Variants in CD99 observed in about 807,000 individuals in gnomAD.
CD99 encodes CD99 molecule (Xg blood group), also known as CD99 antigen.
A neutral mutation model predicts 28.4 loss-of-function variants in CD99; 19 were observed. The ratio of observed to expected loss-of-function variants is 0.67; its 90% CI spans 0.47 to 0.98. The LOEUF (loss-of-function observed/expected upper bound fraction) is 0.98. Ranked by LOEUF, CD99 falls within the 50% of genes least tolerant of loss-of-function variation. The pLI is 0.00. For synonymous variants in CD99, 103 were observed against 92.1 expected, an observed-to-expected ratio of 1.12 and a Z score of -0.67; for missense variants, 283 against 248.8, an observed-to-expected ratio of 1.14 and a Z score of -0.92.
intron 1 of CD99, among the ~76,000 whole-genome samples, chrX:2,709,159 C>T (rs1286985376): frequency 1.9e-5 from 2 of 107,662 alleles, no homozygotes; most frequent in Non-Finnish European, 5.0e-5. Flanking sequence ...CATGGACACA[C>T]ACCAGACAGA....
At chrX:2,708,566 C>T (rs769048010) in intron 1 of CD99, among the ~76,000 whole-genome samples, 4 of 152,218 alleles carry the variant, frequency 2.6e-5, no homozygotes, top group African/African-American at 9.6e-5. Context: ...CCTGGAGTGA[C>T]ATTGAAATTG....
Position 2,727,257 on chromosome X carries a change from A to G in CD99, c.475+884A>G, listed in dbSNP as rs373774024. On this transcript the variant is annotated intron_variant, in intron 8 of 9. Transcript: ENST00000381192. Reference sequence around the variant, plus strand: ...CGGGACTAAAATTTACAGGGGAATTAGGAGGAGGACGTACTCACCATTGCA... The same window carrying G: ...CGGGACTAAAATTTACAGGGGAATTGGGAGGAGGACGTACTCACCATTGCA... The G allele has an allele frequency of 4.4e-3, 3,409 of 774,998 alleles. 88 individuals are homozygous for G. The South Asian group carries it at 0.045, about 10-fold the overall frequency. The allele number at this position is 774,998 out of a possible 1,614,324, so 48.0% of individuals were successfully genotyped here.
Position 2,717,602 on chromosome X carries a change from T to C in CD99, c.101-3T>C, listed in dbSNP as rs2048791703. The C allele has an allele frequency of 6.2e-7, 1 of 1,612,882 alleles. No homozygotes were observed. The highest frequency in any genetic ancestry group is 8.5e-7 in the Non-Finnish European group (1 of 1,178,864). On this transcript the variant is annotated splice_polypyrimidine_tract_variant and splice_region_variant and intron_variant, in intron 2 of 9. Transcript: ENST00000381192. ...TACTAACTGAAATATCTTATCTCTT[T>C]AGACAATGAAAACAAGAAACCCACT...
At chrX:2,708,372 T>A (rs1368387591) in intron 1 of CD99, among the ~76,000 whole-genome samples, 1 of 152,032 alleles carries the variant, frequency 6.6e-6, no homozygotes, top group Non-Finnish European at 1.5e-5. Flanking sequence ...GGAGCTGTCT[T>A]AAGTGTTAGT....
intron 7 of CD99, among the ~76,000 whole-genome samples, chrX:2,723,956 A>G (rs1178473676): frequency 6.6e-6 from 1 of 152,010 alleles, no homozygotes; most frequent in Non-Finnish European, 1.5e-5. Context: ...GGAGGAAGAA[A>G]AAAGGGAAGG....
rs186327443 is a variant in CD99 at position 2,733,478 on chromosome X, C to T, written c.476-4722C>T. 5.8e-4 allele frequency: 726 copies of T among 1,254,200 alleles called. 5 individuals are homozygous for T. The East Asian group carries it at 0.014, about 24-fold the overall frequency. The allele number at this position is 1,254,200 out of a possible 1,614,324, so 77.7% of individuals were successfully genotyped here. On this transcript the variant is annotated intron_variant, in intron 8 of 9. Transcript: ENST00000381192. ...AAACCCTTCCATCTGCCGCTCCCCT[C>T]GCCCTGCTGGCAAATTCCCACCACG...
rs1339025449 is a variant in CD99 at position 2,733,773 on chromosome X, A to G, written c.476-4427A>G. ...GCCACCCTCTTCCCTGCAGTGTCCT[A>G]GGTTAAGCTCACTCACGTCCTAAGG... On this transcript the variant is annotated intron_variant, in intron 8 of 9. Transcript: ENST00000381192. The G allele has an allele frequency of 1.2e-5, 3 of 243,936 alleles. No individual in the cohort carries two copies. The Admixed American group carries it at 1.5e-4, about 12-fold the overall frequency. 15.1% of individuals were successfully genotyped at this position (243,936 alleles called of 1,614,324 possible). A position where few individuals can be genotyped will look rare whatever the true frequency, so the allele number is the denominator to read the frequency against.
chrX:2,694,188 A>T (rs2047464162), intron 1 of CD99, among the ~76,000 whole-genome samples: 1 of 149,600 alleles, frequency 6.7e-6, no homozygotes, highest in Non-Finnish European at 1.5e-5. Context: ...GGTTTGAAAA[A>T]CTCCAAACAT....
chrX:2,703,138 C>G (rs2047945225), intron 1 of CD99, among the ~76,000 whole-genome samples: 1 of 152,146 alleles, frequency 6.6e-6, no homozygotes, highest in African/African-American at 2.4e-5. Flanking sequence ...TTCAACAAAG[C>G]CAGACCCTGC....
chrX:2,692,414 G>T (rs1227336915), intron 1 of CD99, among the ~76,000 whole-genome samples: 1 of 152,192 alleles, frequency 6.6e-6, no homozygotes, highest in South Asian at 2.1e-4. Flanking sequence ...GACGGAGGAG[G>T]CCCGATTTGT....
intron 1 of CD99, among the ~76,000 whole-genome samples, chrX:2,703,360 G>A (rs2047959013): frequency 6.6e-6 from 1 of 152,118 alleles, no homozygotes; most frequent in Non-Finnish European, 1.5e-5. Context: ...TTAGGCACGA[G>A]TTATAGTGCT....
intron 1 of CD99, among the ~76,000 whole-genome samples, chrX:2,714,133 A>G (rs2048573873): frequency 6.6e-6 from 1 of 152,176 alleles, no homozygotes; most frequent in African/African-American, 2.4e-5. Flanking sequence ...GTTTGAAAGG[A>G]ACGACCTGTT....
chrX:2,717,915 C>T (rs1483455912), intron 3 of CD99: 4 of 424,250 alleles, frequency 9.4e-6, no homozygotes, highest in African/African-American at 6.2e-5. Context: ...GTCTGAGTTA[C>T]TCTGTCTTTA....
intron 6 of CD99, 23 bp from the exon 7 acceptor site, chrX:2,723,291 C>T: frequency 6.2e-7 from 1 of 1,613,822 alleles, no homozygotes; most frequent in Non-Finnish European, 8.5e-7. Flanking sequence ...CTTCCCATTG[C>T]AGACGTTGTT....
chrX:2,715,760 T>C (rs5982579), intron 2 of CD99, among the ~76,000 whole-genome samples: 72,646 of 151,540 alleles, frequency 0.48, 17,737 homozygotes, highest in African/African-American at 0.57. Context: ...TTTGAGGGCT[T>C]CACGTGTCCC....
At chrX:2,725,335 T>G (rs1229506563) in intron 7 of CD99, among the ~76,000 whole-genome samples, 1 of 151,706 alleles carries the variant, frequency 6.6e-6, no homozygotes, top group African/African-American at 2.4e-5. Context: ...GAGTTTGAGA[T>G]TGCAGTGAGC....
At chrX:2,707,768 A>G (rs905958908) in intron 1 of CD99, among the ~76,000 whole-genome samples, 2 of 152,140 alleles carry the variant, frequency 1.3e-5, no homozygotes, top group African/African-American at 4.8e-5. Context: ...TGAGTTCTCC[A>G]CCAGGCTCCT....
Position 2,727,270 on chromosome X carries a change from A to G in CD99, c.475+897A>G, listed in dbSNP as rs1244923968. ...TACAGGGGAATTAGGAGGAGGACGT[A>G]CTCACCATTGCAATCCTCCTAGGTC... On this transcript the variant is annotated intron_variant, in intron 8 of 9. Transcript: ENST00000381192. 3 of 778,016 alleles carry G rather than the reference A, an allele frequency of 3.9e-6. No homozygotes were observed. In the South Asian group the frequency reaches 4.0e-5, roughly 10 times the overall value. The allele number at this position is 778,016 out of a possible 1,614,324, so 48.2% of individuals were successfully genotyped here.
At chrX:2,691,555 C>T (rs1249322429) in intron 1 of CD99, 128 bp downstream of exon 1, 1 of 1,049,242 alleles carries the variant, frequency 9.5e-7, no homozygotes, top group Admixed American at 2.0e-5. Flanking sequence ...CCCGGCAGGA[C>T]GCGCTGTGCC....
Sources: allele counts gnomAD v4.1 joint callset (sites outside exome capture counted in the v4.1 genomes callset), GRCh38; gene constraint gnomAD v4.1.1; transcripts MANE v1.5; gene names NCBI Gene and HGNC (gene_info 2026-07-23, HGNC 2026-07-21).